AUH: variants seen among roughly 807,000 people sequenced by gnomAD.
AUH encodes the protein AU RNA binding methylglutaconyl-CoA hydratase.
A neutral mutation model predicts 42.3 loss-of-function variants in AUH; 29 were observed. That is an observed-to-expected ratio of 0.69 (90% CI 0.51 to 0.93). The LOEUF (loss-of-function observed/expected upper bound fraction) is 0.93, where lower values mean the gene tolerates loss of function less well. Ranked by LOEUF, AUH falls within the 40% of genes least tolerant of loss-of-function variation. AUH has a pLI of 0.00. For missense variants in AUH, 452 were observed against 438.1 expected, an observed-to-expected ratio of 1.03 and a Z score of -0.28; for synonymous variants, 174 against 166.4, an observed-to-expected ratio of 1.05 and a Z score of -0.35.
intron 6 of AUH, among the ~76,000 whole-genome samples, chr9:91,292,389 C>T (rs548289179): frequency 6.6e-6 from 1 of 151,842 alleles, no homozygotes; most frequent in East Asian, 1.9e-4. Context: ...AGCAATTCTC[C>T]TGCCTCAGCC....
rs192636175 is a variant in AUH, at chr9:91,346,159, G to C, written c.418+9724C>G. Among the ~76,000 whole-genome samples, 3 of 152,072 alleles carry C rather than the reference G, an allele frequency of 2.0e-5. No homozygotes were observed. The East Asian group carries it at 5.8e-4, about 29-fold the overall frequency. On this transcript the variant is annotated intron_variant, in intron 3 of 9. Coordinates refer to ENST00000375731, the MANE Select transcript of AUH (RefSeq NM_001698.3). ...GTTTATGCTAATGAACTGACTCTTA[G>C]AGGGCCCCTAGATAGCTCCAGGACA...
At position 91,214,085 on chromosome 9, in the gene AUH, GTAAA is replaced by G. The variant is rs377176126; in HGVS notation, c.*259_*262del. On this transcript the variant is annotated 3_prime_UTR_variant, in exon 10 of 10. Coordinates refer to ENST00000375731, the MANE Select transcript of AUH (RefSeq NM_001698.3). ...AAATTAACAGAAAGCCTCATATGCAGTAAATATTTAAAAATGTATATCTAACTTT... is the reference window on the plus strand; with the variant it reads ...AAATTAACAGAAAGCCTCATATGCAGTATTTAAAAATGTATATCTAACTTT... The G allele has an allele frequency of 1.2e-4, 46 of 380,552 alleles. No individual in the cohort carries two copies. The East Asian group carries it at 1.7e-3, about 14-fold the overall frequency. 23.6% of individuals were successfully genotyped at this position (380,552 alleles called of 1,614,324 possible). A position where few individuals can be genotyped will look rare whatever the true frequency, so the allele number is the denominator to read the frequency against.
intron 3 of AUH, among the ~76,000 whole-genome samples, chr9:91,341,507 A>G (rs1159910311): frequency 6.6e-6 from 1 of 152,246 alleles, no homozygotes; most frequent in Non-Finnish European, 1.5e-5. Context: ...ACAACCTTCT[A>G]TTTATAAGAC....
intron 3 of AUH, among the ~76,000 whole-genome samples, chr9:91,336,874 C>T (rs1157410836): frequency 6.6e-6 from 1 of 152,120 alleles, no homozygotes; most frequent in Non-Finnish European, 1.5e-5. Context: ...TTAAAGAGGA[C>T]AGCCATATTC....
rs1215077638 is a variant in AUH at position 91,340,400 on chromosome 9, T to C, written c.419-14996A>G. On this transcript the variant is annotated intron_variant, in intron 3 of 9. Transcript: ENST00000375731. ...ATTAATATAAAATTTAATGAGTAAATAATACTGGTATTAATCATGTTGCCT... is the reference window on the plus strand; with the variant it reads ...ATTAATATAAAATTTAATGAGTAAACAATACTGGTATTAATCATGTTGCCT... Among the ~76,000 whole-genome samples, 3 of 152,220 alleles carry C rather than the reference T, an allele frequency of 2.0e-5. No homozygotes were observed. The East Asian group carries it at 5.8e-4, about 29-fold the overall frequency.
At chr9:91,226,823 G>T (rs1827522816) in intron 6 of AUH, among the ~76,000 whole-genome samples, 2 of 119,534 alleles carry the variant, frequency 1.7e-5, no homozygotes, top group Admixed American at 1.8e-4. Context: ...TTTCCCCATT[G>T]CTTGTTTTTC....
chr9:91,284,118 C>T (rs1382351075), intron 6 of AUH, among the ~76,000 whole-genome samples: 2 of 152,008 alleles, frequency 1.3e-5, no homozygotes, highest in African/African-American at 4.8e-5. Flanking sequence ...AACAGAGATA[C>T]AGACCAATGG....
At chr9:91,237,716 A>C (rs1828272801) in intron 6 of AUH, among the ~76,000 whole-genome samples, 1 of 152,192 alleles carries the variant, frequency 6.6e-6, no homozygotes, top group African/African-American at 2.4e-5. Context: ...TTGGCTGTGA[A>C]GTCCTTTTGA....
chr9:91,216,205 C>A, intron 8 of AUH, 99 bp from the exon 9 acceptor site: 3 of 1,195,078 alleles, frequency 2.5e-6, no homozygotes, highest in Non-Finnish European at 3.7e-6. Flanking sequence ...CCCAAAGCAC[C>A]CAATCCTTTG....
chr9:91,352,705 A>G (rs1832084305), intron 3 of AUH, among the ~76,000 whole-genome samples: 1 of 152,206 alleles, frequency 6.6e-6, no homozygotes, highest in South Asian at 2.1e-4. Context: ...ACTATCAGTA[A>G]ATAGGAGAGT....
At chr9:91,316,147 C>T (rs1213075308) in intron 4 of AUH, among the ~76,000 whole-genome samples, 1 of 152,168 alleles carries the variant, frequency 6.6e-6, no homozygotes, top group Non-Finnish European at 1.5e-5. Context: ...CCCTAGGACA[C>T]ATGTGCAAAA....
chr9:91,307,500 C>CA (rs1367219706), intron 4 of AUH, among the ~76,000 whole-genome samples: 4 of 152,038 alleles, frequency 2.6e-5, no homozygotes, highest in Non-Finnish European at 5.9e-5. Flanking sequence ...CGGAAAAGTC[C>CA]AAAAATAAAC....
chr9:91,245,251 G>T (rs1051601033), intron 6 of AUH, among the ~76,000 whole-genome samples: 6 of 152,126 alleles, frequency 3.9e-5, no homozygotes, highest in African/African-American at 7.2e-5. Context: ...GGGAAGCATG[G>T]CCTACCCCAG....
chr9:91,357,380 T>C, intron 1 of AUH: 1 of 524,716 alleles, frequency 1.9e-6, no homozygotes. Context: ...ACTCTATACT[T>C]GAATAAAACT....
chr9:91,311,079 T>A (rs77104650), intron 4 of AUH, among the ~76,000 whole-genome samples: 1,749 of 152,290 alleles, frequency 0.011, 16 homozygotes, highest in Non-Finnish European at 0.019. Context: ...TACATCAGAT[T>A]TTTCACACAG....
At chr9:91,272,040 T>C (rs780643348) in intron 6 of AUH, among the ~76,000 whole-genome samples, 2 of 152,198 alleles carry the variant, frequency 1.3e-5, no homozygotes, top group Non-Finnish European at 2.9e-5. Flanking sequence ...TGCACAAGCA[T>C]GTGAGTATCA....
chr9:91,341,881 G>A (rs1439186512), intron 3 of AUH, among the ~76,000 whole-genome samples: 1 of 152,170 alleles, frequency 6.6e-6, no homozygotes, highest in African/African-American at 2.4e-5. Context: ...AGTGATGAGG[G>A]AACAGCTATT....
At chr9:91,232,226 CAT>C (rs1456163079) in intron 6 of AUH, among the ~76,000 whole-genome samples, 1 of 152,010 alleles carries the variant, frequency 6.6e-6, no homozygotes, top group East Asian at 1.9e-4. Flanking sequence ...CTCTACCACA[CAT>C]AGAGATACAA....
intron 6 of AUH, among the ~76,000 whole-genome samples, chr9:91,262,706 T>TA (rs1829766550): frequency 7.0e-6 from 1 of 143,368 alleles, no homozygotes; most frequent in Non-Finnish European, 1.5e-5. Flanking sequence ...TGGAGTGGGG[T>TA]GGGGGCGTGG....
Sources: gnomAD v4.1 joint callset for allele counts (sites outside exome capture counted in the v4.1 genomes callset) on GRCh38, gnomAD v4.1.1 for gene constraint, MANE v1.5 for transcripts, NCBI Gene and HGNC (gene_info 2026-07-23, HGNC 2026-07-21) for gene names.